Variants in HEATR3 observed in about 807,000 individuals in gnomAD.
HEATR3 encodes HEAT repeat-containing protein 3.
Under a neutral mutation model 72.8 loss-of-function variants are expected in HEATR3, and 56 were observed. That is an observed-to-expected ratio of 0.77 (90% CI 0.62 to 0.96). The LOEUF (loss-of-function observed/expected upper bound fraction) is 0.96, where lower values mean the gene tolerates loss of function less well. HEATR3 is among the 40% of genes least tolerant of loss of function. The pLI is 0.00. For missense variants in HEATR3, 747 were observed against 831.4 expected, an observed-to-expected ratio of 0.90 and a Z score of 1.25; for synonymous variants, 331 against 318.1, an observed-to-expected ratio of 1.04 and a Z score of -0.43.
intron 12 of HEATR3, among the ~76,000 whole-genome samples, chr16:50,095,937 T>A (rs1342719258): frequency 1.3e-5 from 2 of 152,164 alleles, no homozygotes; most frequent in African/African-American, 4.8e-5. Context: ...GGCTCCAAAT[T>A]AACGGATATT....
At chr16:50,097,935 A>C (rs1019886570) in intron 12 of HEATR3, among the ~76,000 whole-genome samples, 9 of 151,964 alleles carry the variant, frequency 5.9e-5, no homozygotes, top group Non-Finnish European at 1.0e-4. Context: ...AAAAAAAAAA[A>C]AAAAAACCCT....
At chr16:50,071,602 C>A (rs914087804) in intron 4 of HEATR3, among the ~76,000 whole-genome samples, 5 of 152,096 alleles carry the variant, frequency 3.3e-5, no homozygotes, top group Non-Finnish European at 5.9e-5. Flanking sequence ...ATTTTTGTTT[C>A]ATCATTTATA....
chr16:50,068,399 C>G (rs2036544304), intron 2 of HEATR3, among the ~76,000 whole-genome samples: 1 of 152,188 alleles, frequency 6.6e-6, no homozygotes, highest in South Asian at 2.1e-4. Flanking sequence ...CTAGGCCTCT[C>G]AAAGTGCTGG....
rs139641000 is a variant in HEATR3 at position 50,070,617 on chromosome 16, G to A, written c.512+327G>A. ...CTCGGGAGGCTGAGGCAGGAGAATC[G>A]CTTGAACCCTGGAGGCAGAGCTTGC... On this transcript the variant is annotated intron_variant, in intron 4 of 14. Coordinates refer to ENST00000299192, the MANE Select transcript of HEATR3 (RefSeq NM_182922.4). 5.4e-3 allele frequency among the ~76,000 whole-genome samples: 826 copies of A among 152,078 alleles called. 6 individuals carry two copies. Among genetic ancestry groups the A allele is most frequent in the African/African-American group, 0.019 (771 of 41,488 alleles).
intron 11 of HEATR3, among the ~76,000 whole-genome samples, chr16:50,088,765 G>C (rs2037043899): frequency 1.3e-5 from 2 of 152,140 alleles, no homozygotes; most frequent in East Asian, 3.9e-4. Context: ...GTAGAGGCAG[G>C]GGGCAGAGCC....
intron 7 of HEATR3, among the ~76,000 whole-genome samples, chr16:50,080,640 A>G (rs1432744559): frequency 6.6e-6 from 1 of 152,004 alleles, no homozygotes; most frequent in African/African-American, 2.4e-5. Context: ...CGCCCAGCCT[A>G]GATCTTTTTA....
At chr16:50,071,649 C>T (rs1204694575) in intron 4 of HEATR3, among the ~76,000 whole-genome samples, 1 of 151,946 alleles carries the variant, frequency 6.6e-6, no homozygotes, top group Non-Finnish European at 1.5e-5. Context: ...CCTTGTCTTC[C>T]TGACTAGACT....
Position 50,072,724 on chromosome 16 carries a change from G to C in HEATR3, c.622+10G>C. 2.7e-6 allele frequency: 4 copies of C among 1,469,648 alleles called. No homozygotes were observed. The highest frequency in any genetic ancestry group is 3.8e-6 in the Non-Finnish European group (4 of 1,047,942). The allele number at this position is 1,469,648 out of a possible 1,614,324, so 91.0% of individuals were successfully genotyped here. ...CTGGCTATTTCAGTAGGTAAGTGAA[G>C]AAAAGGTGATGACTTATTAAGAATG... On this transcript the variant is annotated intron_variant, in intron 5 of 14. Transcript: ENST00000299192.
At position 50,077,309 on chromosome 16, in the gene HEATR3, C is replaced by T. The variant is rs918665821; in HGVS notation, c.764-1432C>T. On this transcript the variant is annotated intron_variant, in intron 6 of 14. Coordinates refer to ENST00000299192, the MANE Select transcript of HEATR3 (RefSeq NM_182922.4). The stretch of plus-strand genomic sequence containing the variant: ...ACAGGCGTGAGCCACAGTCCCCAGC[C>T]ACAGTTAATTTTTTGTATTTTTTTT... Among the ~76,000 whole-genome samples the T allele has an allele frequency of 2.2e-5, 3 of 135,678 alleles. No homozygotes were observed. The East Asian group carries it at 6.4e-4, about 29-fold the overall frequency. The allele number at this position is 135,678 out of a possible 152,430, so 89.0% of individuals were successfully genotyped here. A position where few individuals can be genotyped will look rare whatever the true frequency, so the allele number is the denominator to read the frequency against.
chr16:50,099,352 C>G (rs1469422789), intron 12 of HEATR3, among the ~76,000 whole-genome samples: 1 of 152,160 alleles, frequency 6.6e-6, no homozygotes, highest in African/African-American at 2.4e-5. Flanking sequence ...TACTAATAAT[C>G]CTAACACTTT....
chr16:50,072,431 C>G (rs1171212709), intron 4 of HEATR3, among the ~76,000 whole-genome samples, 174 bp from the exon 5 acceptor site: 3 of 152,196 alleles, frequency 2.0e-5, no homozygotes, highest in Admixed American at 2.0e-4. Context: ...ATAGCCAGTT[C>G]TCATGTACAG....
chr16:50,079,154 T>A (rs1328961708), intron 7 of HEATR3, 136 bp downstream of exon 7: 3 of 777,200 alleles, frequency 3.9e-6, no homozygotes, highest in East Asian at 5.3e-5. Flanking sequence ...AGTCATATTT[T>A]CCTGTTGATT....
chr16:50,072,960 C>G, intron 5 of HEATR3: 1 of 404,432 alleles, frequency 2.5e-6, no homozygotes, highest in Non-Finnish European at 4.4e-6. Flanking sequence ...TATGTGGTTT[C>G]TAGCCTGTTT....
In HEATR3 at chr16:50,066,028, G is replaced by A. The variant is rs2036477838; in HGVS notation, c.-104G>A. 8.8e-7 allele frequency: 1 copy of A among 1,142,470 alleles called. No homozygotes were observed. Among genetic ancestry groups the A allele is most frequent in the Non-Finnish European group, 1.2e-6 (1 of 854,332 alleles). 70.8% of individuals were successfully genotyped at this position (1,142,470 alleles called of 1,614,324 possible). On this transcript the variant is annotated 5_prime_UTR_variant, in exon 1 of 15. Transcript: ENST00000299192. ...CCATGTGTGCTGCAGCCGTCAGCCG[G>A]CCCAGCTGAGCAGCAGCAACGGACC...
chr16:50,073,362 G>A (rs62033029), intron 5 of HEATR3: 34,383 of 152,130 alleles, frequency 0.23, 4,161 homozygotes, highest in African/African-American at 0.3. Flanking sequence ...AGAAACAATT[G>A]AGGGAGAGCA....
chr16:50,093,975 G>C (rs1352623348), intron 11 of HEATR3, among the ~76,000 whole-genome samples: 1 of 152,170 alleles, frequency 6.6e-6, no homozygotes, highest in Non-Finnish European at 1.5e-5. Flanking sequence ...GAAGTGGCAA[G>C]GTTCTTGAAG....
At chr16:50,091,471 ACAT>A (rs950416340) in intron 11 of HEATR3, among the ~76,000 whole-genome samples, 68 of 151,840 alleles carry the variant, frequency 4.5e-4, no homozygotes, top group Middle Eastern at 3.4e-3. Flanking sequence ...CGTCTAAAAA[ACAT>A]AATAATAATA....
intron 11 of HEATR3, among the ~76,000 whole-genome samples, chr16:50,091,673 G>GAC (rs1291458768): frequency 6.6e-6 from 1 of 151,756 alleles, no homozygotes; most frequent in African/African-American, 2.4e-5. Flanking sequence ...AGGAGATTGA[G>GAC]ACCCTGGCTA....
intron 10 of HEATR3, among the ~76,000 whole-genome samples, chr16:50,086,008 A>G (rs2036978170): frequency 6.6e-6 from 1 of 152,198 alleles, no homozygotes; most frequent in Non-Finnish European, 1.5e-5. Context: ...AGCCTGGGCA[A>G]CAGAGTAAGA....
Sources: gnomAD v4.1 joint callset for allele counts (sites outside exome capture counted in the v4.1 genomes callset) on GRCh38, gnomAD v4.1.1 for gene constraint, MANE v1.5 for transcripts, NCBI Gene and HGNC (gene_info 2026-07-23, HGNC 2026-07-21) for gene names.